Variants in COL4A3 observed in about 807,000 individuals in gnomAD.
COL4A3 encodes collagen alpha-3(IV) chain.
A neutral mutation model predicts 217.4 loss-of-function variants in COL4A3; 135 were observed. That is an observed-to-expected ratio of 0.62 (90% CI 0.54 to 0.72). The LOEUF (loss-of-function observed/expected upper bound fraction) is 0.72. Among genes scored for constraint, COL4A3 ranks in the 30% least tolerant of loss-of-function variants. The pLI is 0.00. For synonymous variants in COL4A3, 690 were observed against 736.3 expected (o/e 0.94, Z 1.02); for missense variants, 1,868 against 2,119.9 (o/e 0.88, Z 2.33).
intron 2 of COL4A3, 164 bp downstream of exon 2, chr2:227,238,188 AAG>A: frequency 1.9e-6 from 1 of 526,822 alleles, no homozygotes; most frequent in Non-Finnish European, 3.5e-6. Context: ...AAAAAAAAAA[AAG>A]AAAAAAGTCA....
At chr2:227,280,289 T>C in intron 29 of COL4A3, 151 bp from the exon 30 acceptor site, 1 of 766,952 alleles carries the variant, frequency 1.3e-6, no homozygotes, top group Non-Finnish European at 2.2e-6. Context: ...AACATAATCT[T>C]ACAGAAAAGT....
intron 1 of COL4A3, among the ~76,000 whole-genome samples, chr2:227,201,523 G>T (rs944036510): frequency 2.6e-4 from 40 of 152,248 alleles, no homozygotes; most frequent in Non-Finnish European, 2.9e-5. Flanking sequence ...TCCAGTTGAC[G>T]TTAGAAGAAT....
Position 227,282,292 on chromosome 2 carries a change from A to C in COL4A3, c.2489-73A>C. The C allele has an allele frequency of 4.2e-6, 3 of 718,752 alleles. No individual in the cohort carries two copies. The highest frequency in any genetic ancestry group is 6.6e-6 in the Non-Finnish European group (3 of 451,432). The allele number at this position is 718,752 out of a possible 1,614,324, so 44.5% of individuals were successfully genotyped here. A position where few individuals can be genotyped will look rare whatever the true frequency, so the allele number is the denominator to read the frequency against. On this transcript the variant is annotated intron_variant, in intron 31 of 51. Coordinates refer to ENST00000396578, the MANE Select transcript of COL4A3 (RefSeq NM_000091.5). The surrounding 1 kb of genome is among the most constrained non-coding windows in gnomAD (Gnocchi z 4.4). The stretch of plus-strand genomic sequence containing the variant: ...ATCTTAAAAATATATATATATATAT[A>C]TATATATATTTCTGAAGTTAGTAGG...
intron 2 of COL4A3, among the ~76,000 whole-genome samples, chr2:227,238,737 A>G (rs1014659589): frequency 1.3e-5 from 2 of 152,176 alleles, no homozygotes; most frequent in African/African-American, 4.8e-5. Flanking sequence ...ACTAATTTCT[A>G]TATAATGTGT....
chr2:227,304,265 C>T lies in COL4A3; in HGVS notation c.4153+121C>T. 5 of 1,311,992 alleles carry T rather than the reference C, an allele frequency of 3.8e-6. No individual in the cohort carries two copies. In the South Asian group the frequency reaches 6.2e-5, roughly 16 times the overall value. 81.3% of individuals were successfully genotyped at this position (1,311,992 alleles called of 1,614,324 possible). Reference sequence around the variant, plus strand: ...AAATGTTGAACATGATAGTGGTTTTCACAATCAGTCTTAGGATTGAGCTCA... The same window carrying T: ...AAATGTTGAACATGATAGTGGTTTTTACAATCAGTCTTAGGATTGAGCTCA... On this transcript the variant is annotated intron_variant, in intron 46 of 51. Coordinates refer to ENST00000396578, the MANE Select transcript of COL4A3 (RefSeq NM_000091.5).
At chr2:227,291,171 T>C in intron 37 of COL4A3, 1 of 416,704 alleles carries the variant, frequency 2.4e-6, no homozygotes, top group Non-Finnish European at 4.5e-6. Context: ...GCCCATACAA[T>C]CAGATAGGAC....
At chr2:227,300,371 T>C (rs1399915675) in intron 43 of COL4A3, among the ~76,000 whole-genome samples, 4 of 151,878 alleles carry the variant, frequency 2.6e-5, no homozygotes, top group Non-Finnish European at 5.9e-5. Flanking sequence ...TAGCTTGTTG[T>C]TGCTGATGTT....
At chr2:227,271,013 G>C (rs756483016) in intron 25 of COL4A3, 61 bp downstream of exon 25, 35 of 1,563,824 alleles carry the variant, frequency 2.2e-5, no homozygotes, top group Non-Finnish European at 2.9e-5. Flanking sequence ...AAGAGATAAA[G>C]TGATTTCTTT....
intron 1 of COL4A3, among the ~76,000 whole-genome samples, chr2:227,187,007 C>T (rs1387260481): frequency 1.3e-5 from 2 of 152,182 alleles, no homozygotes; most frequent in East Asian, 1.9e-4. Flanking sequence ...CTTCCTGGAA[C>T]ATTCAGTTAG....
intron 11 of COL4A3, among the ~76,000 whole-genome samples, chr2:227,252,313 A>G (rs758087790): frequency 3.4e-5 from 5 of 146,784 alleles, no homozygotes; most frequent in Non-Finnish European, 6.0e-5. Context: ...TCCCGGGTTC[A>G]AGCAATTCTC....
intron 19 of COL4A3, 64 bp downstream of exon 19, chr2:227,259,941 A>G (rs903444523): frequency 8.7e-7 from 1 of 1,144,480 alleles, no homozygotes; most frequent in Non-Finnish European, 1.3e-6. Flanking sequence ...TCAAGGTAAT[A>G]AATAGCATGT....
At chr2:227,234,163 G>T (rs961295783) in intron 1 of COL4A3, among the ~76,000 whole-genome samples, 1 of 152,078 alleles carries the variant, frequency 6.6e-6, no homozygotes, top group African/African-American at 2.4e-5. Context: ...GGGGAAAGTG[G>T]TGTATGTGTA....
At chr2:227,204,299 T>A (rs954313286) in intron 1 of COL4A3, among the ~76,000 whole-genome samples, 1 of 152,200 alleles carries the variant, frequency 6.6e-6, no homozygotes, top group Non-Finnish European at 1.5e-5. Context: ...ATTCAATAAA[T>A]CTAAGCTGCT....
intron 1 of COL4A3, among the ~76,000 whole-genome samples, chr2:227,201,359 A>C (rs2125736611): frequency 6.6e-6 from 1 of 151,692 alleles, no homozygotes; most frequent in South Asian, 2.1e-4. Context: ...AGGTGGAATC[A>C]AAAAGCAAAA....
Position 227,282,666 on chromosome 2 carries a change from T to G in COL4A3, c.2656+134T>G. ...TAAGGTTTTCCTTCTAAATTATTTG[T>G]AAGAAACCAGGGGCCATGGTGCAGG... On this transcript the variant is annotated intron_variant, in intron 32 of 51. Coordinates refer to ENST00000396578, the MANE Select transcript of COL4A3 (RefSeq NM_000091.5). This position sits in a 1 kb window ranked among gnomAD's most constrained non-coding sequence, Gnocchi z 4.4. The G allele has an allele frequency of 2.3e-6, 2 of 870,818 alleles. No homozygotes were observed. The highest frequency in any genetic ancestry group is 3.6e-6 in the Non-Finnish European group (2 of 555,020). 53.9% of individuals were successfully genotyped at this position (870,818 alleles called of 1,614,324 possible).
chr2:227,276,510 A>T (rs780325880), intron 27 of COL4A3, 33 bp downstream of exon 27: 5 of 1,474,730 alleles, frequency 3.4e-6, no homozygotes, highest in Middle Eastern at 1.7e-4. Context: ...GGTACATGGC[A>T]TCAGACACAC....
At chr2:227,251,509 G>T in intron 11 of COL4A3, 138 bp downstream of exon 11, 3 of 750,438 alleles carry the variant, frequency 4.0e-6, no homozygotes, top group Non-Finnish European at 2.3e-6. Context: ...GAAGAGCATG[G>T]CTAGCTGCTC....
chr2:227,208,579 C>T (rs1049545024), intron 1 of COL4A3, among the ~76,000 whole-genome samples: 6 of 152,224 alleles, frequency 3.9e-5, no homozygotes, highest in South Asian at 2.1e-4. Context: ...AGCCCCTACC[C>T]GCCAAACTAT....
At chr2:227,210,852 T>C (rs766390547) in intron 1 of COL4A3, among the ~76,000 whole-genome samples, 1 of 117,722 alleles carries the variant, frequency 8.5e-6, no homozygotes, top group Non-Finnish European at 1.8e-5. Flanking sequence ...AAAATATATA[T>C]ACATATATTA....
Sources: gnomAD v4.1 joint callset for allele counts (sites outside exome capture counted in the v4.1 genomes callset) on GRCh38, gnomAD v4.1.1 for gene constraint, Gnocchi (gnomAD v3.1) non-coding constraint, MANE v1.5 for transcripts, NCBI Gene and HGNC (gene_info 2026-07-23, HGNC 2026-07-21) for gene names.